Variants in SYNCRIP observed in about 807,000 individuals in gnomAD.
The protein encoded by SYNCRIP is synaptotagmin binding cytoplasmic RNA interacting protein.
A neutral mutation model predicts 68.9 loss-of-function variants in SYNCRIP; 9 were observed. The ratio of observed to expected loss-of-function variants is 0.13; its 90% CI spans 0.08 to 0.23. The LOEUF (loss-of-function observed/expected upper bound fraction) is 0.23, where lower values mean the gene tolerates loss of function less well. Among genes scored for constraint, SYNCRIP ranks in the 10% least tolerant of loss-of-function variants. The pLI, the probability that SYNCRIP is intolerant of heterozygous loss-of-function variation, is 1.00. For missense variants in SYNCRIP, 414 were observed against 770.6 expected, an observed-to-expected ratio of 0.54 and a Z score of 5.48; for synonymous variants, 258 against 254.0, an observed-to-expected ratio of 1.02 and a Z score of -0.15.
chr6:85,609,387 C>A (rs1003643600), downstream of SYNCRIP: 1 of 151,874 alleles, frequency 6.6e-6, no homozygotes, highest in Non-Finnish European at 1.5e-5. Context: ...TCATTCTATT[C>A]TTTAAAAACT....
chr6:85,637,236 G>GC lies in SYNCRIP; in HGVS notation c.489+6dup. 6.2e-7 allele frequency: 1 copy of GC among 1,612,066 alleles called. No homozygotes were observed. The highest frequency in any genetic ancestry group is 8.5e-7 in the Non-Finnish European group (1 of 1,179,080). ...CTACAAAAGGTACAAGTTTTTAGTTGCTTTACCTCAGTGCCAACAGAAGGC... is the reference window on the plus strand; with the variant it reads ...CTACAAAAGGTACAAGTTTTTAGTTGCCTTTACCTCAGTGCCAACAGAAGGC... On this transcript the variant is annotated splice_region_variant and intron_variant, in intron 5 of 10. Coordinates refer to ENST00000369622, the MANE Select transcript of SYNCRIP (RefSeq NM_006372.5).
chr6:85,622,436 C>G, intron 8 of SYNCRIP, 46 bp downstream of exon 8: 1 of 1,505,468 alleles, frequency 6.6e-7, no homozygotes. Context: ...CCCGGCCCTT[C>G]TCCCATTAAT....
At chr6:85,623,571 A>C (rs1015911618) in intron 7 of SYNCRIP, among the ~76,000 whole-genome samples, 4 of 147,872 alleles carry the variant, frequency 2.7e-5, no homozygotes, top group African/African-American at 1.0e-4. Context: ...CCAAAAAAAA[A>C]AAAAAAAAAA....
At chr6:85,617,395 T>G (rs1218442870) in intron 10 of SYNCRIP, among the ~76,000 whole-genome samples, 1 of 152,226 alleles carries the variant, frequency 6.6e-6, no homozygotes, top group African/African-American at 2.4e-5. Flanking sequence ...ACTTACATTC[T>G]ACTTTAATAA....
intron 2 of SYNCRIP, 144 bp downstream of exon 2, chr6:85,641,148 A>C (rs775155194): frequency 4.1e-5 from 27 of 664,388 alleles, no homozygotes; most frequent in Non-Finnish European, 6.7e-5. Context: ...CCTCTACTTC[A>C]AACTTAAATT....
downstream of SYNCRIP, chr6:85,611,368 C>T (rs573032949): frequency 6.6e-6 from 1 of 152,650 alleles, no homozygotes; most frequent in East Asian, 1.9e-4. Flanking sequence ...TGATTGTTTG[C>T]CATGAGCATT....
chr6:85,615,496 TTAGTAG>T (rs1805668333), intron 10 of SYNCRIP, 149 bp from the exon 11 acceptor site: 2 of 516,114 alleles, frequency 3.9e-6, no homozygotes, highest in Non-Finnish European at 6.6e-6. Context: ...AGATTAAGTT[TTAGTAG>T]TAGTAATGAT....
chr6:85,630,686 G>A (rs964343848), intron 6 of SYNCRIP, among the ~76,000 whole-genome samples: 14 of 151,974 alleles, frequency 9.2e-5, no homozygotes, highest in African/African-American at 3.1e-4. Context: ...TGTAAATGGA[G>A]GCTATTAAAA....
chr6:85,609,079 A>G (rs1157149949), downstream of SYNCRIP: 1 of 151,900 alleles, frequency 6.6e-6, no homozygotes, highest in Non-Finnish European at 1.5e-5. Context: ...TAATTTCTTT[A>G]GTCATTAATT....
intron 10 of SYNCRIP, 46 bp from the exon 11 acceptor site, chr6:85,615,393 G>A: frequency 7.7e-7 from 1 of 1,303,194 alleles, no homozygotes; most frequent in Non-Finnish European, 1.0e-6. Context: ...AAATTACTTA[G>A]TTAACAAGTA....
chr6:85,620,426 G>C (rs1374346060), intron 8 of SYNCRIP, among the ~76,000 whole-genome samples: 2 of 152,164 alleles, frequency 1.3e-5, no homozygotes, highest in East Asian at 3.8e-4. Flanking sequence ...CCAATGTGAA[G>C]GTTACATAAT....
chr6:85,632,943 G>A (rs1369582900), intron 6 of SYNCRIP, among the ~76,000 whole-genome samples: 3 of 151,032 alleles, frequency 2.0e-5, no homozygotes, highest in East Asian at 3.9e-4. Flanking sequence ...TCCGAAAACA[G>A]TAATAATAAT....
At chr6:85,617,683 G>A (rs180822877) in intron 10 of SYNCRIP, among the ~76,000 whole-genome samples, 17 of 152,220 alleles carry the variant, frequency 1.1e-4, no homozygotes, top group Admixed American at 8.5e-4. Flanking sequence ...TTGTCCAACT[G>A]GACAATTAAC....
chr6:85,627,013 C>T (rs1335924952), intron 6 of SYNCRIP, among the ~76,000 whole-genome samples: 2 of 152,142 alleles, frequency 1.3e-5, no homozygotes, highest in African/African-American at 4.8e-5. Context: ...TGCCTGTACT[C>T]CTAGCATTTT....
chr6:85,615,720 G>A (rs368505203), intron 10 of SYNCRIP, among the ~76,000 whole-genome samples: 1 of 152,310 alleles, frequency 6.6e-6, no homozygotes, highest in East Asian at 1.9e-4. Context: ...TGAAGCAGGT[G>A]AATCGCTTGA....
At chr6:85,630,031 C>G (rs1251684686) in intron 6 of SYNCRIP, among the ~76,000 whole-genome samples, 1 of 151,458 alleles carries the variant, frequency 6.6e-6, no homozygotes, top group Non-Finnish European at 1.5e-5. Flanking sequence ...CATAACCAAT[C>G]TGGTGACTAA....
rs561051281 is a variant in SYNCRIP, at chr6:85,616,224, T to C, written c.1281-877A>G. 7.9e-5 allele frequency among the ~76,000 whole-genome samples: 12 copies of C among 152,366 alleles called. No individual in the cohort carries two copies. In the South Asian group the frequency reaches 2.1e-3, roughly 26 times the overall value. On this transcript the variant is annotated intron_variant, in intron 10 of 10. Transcript: ENST00000369622. Reference sequence around the variant, plus strand: ...CAATTTTATACAATTCCTTAAAACTTAGTGATTATTTTGAGCCCAATAATC... The same window carrying C: ...CAATTTTATACAATTCCTTAAAACTCAGTGATTATTTTGAGCCCAATAATC...
chr6:85,613,758 A>G (rs1171605711), downstream of SYNCRIP, among the ~76,000 whole-genome samples: 1 of 152,222 alleles, frequency 6.6e-6, no homozygotes, highest in Admixed American at 6.5e-5. Flanking sequence ...TTGTTTTCAC[A>G]CTAGAGTTTC....
chr6:85,623,562 C>CCAAAAAAAAAAAA (rs572909849), intron 7 of SYNCRIP, among the ~76,000 whole-genome samples: 808 of 63,256 alleles, frequency 0.013, 101 homozygotes, highest in East Asian at 0.045. Context: ...AGACTGTCTC[C>CCAAAAAAAAAAAA]AAAAAAAAAA....
Sources: gnomAD v4.1 joint callset for allele counts (sites outside exome capture counted in the v4.1 genomes callset) on GRCh38, gnomAD v4.1.1 for gene constraint, MANE v1.5 for transcripts, NCBI Gene and HGNC (gene_info 2026-07-23, HGNC 2026-07-21) for gene names.